Variants in SHROOM3 observed in about 807,000 individuals in gnomAD.
The protein encoded by SHROOM3 is protein Shroom3.
A neutral mutation model predicts 138.6 loss-of-function variants in SHROOM3; 47 were observed. That is an observed-to-expected ratio of 0.34 (90% CI 0.27 to 0.43). The LOEUF (loss-of-function observed/expected upper bound fraction) is 0.43, where lower values mean the gene tolerates loss of function less well. Ranked by LOEUF, SHROOM3 falls within the 20% of genes least tolerant of loss-of-function variation. The probability of loss-of-function intolerance (pLI) is 1.00; values close to 1 mark genes in which losing one functional copy is unlikely to be tolerated. For missense variants in SHROOM3, 2,491 were observed against 2,596.5 expected (o/e 0.96, Z 0.88); for synonymous variants, 1,062 against 1,063.3 (o/e 1.00, Z 0.02).
chr4:76,776,033 T>C (rs1722554405), intron 10 of SHROOM3, among the ~76,000 whole-genome samples: 1 of 152,148 alleles, frequency 6.6e-6, no homozygotes. Flanking sequence ...GTACTTTTCA[T>C]TCTTTAAGGA....
At position 76,768,798 on chromosome 4, in the gene SHROOM3, G is replaced by A. The variant is rs4597854; in HGVS notation, c.5350-1828G>A. 2.7e-3 allele frequency among the ~76,000 whole-genome samples: 413 copies of A among 152,286 alleles called. 1 individual carries two copies. Among genetic ancestry groups the A allele is most frequent in the African/African-American group, 9.4e-3 (392 of 41,554 alleles). On this transcript the variant is annotated intron_variant, in intron 9 of 10. Coordinates refer to ENST00000296043, the MANE Select transcript of SHROOM3 (RefSeq NM_020859.4). ...CAAAGTGCTGGGATTACAGGCATGA[G>A]CCACTGCGCCCAGCCTGGATGTGAA...
intron 9 of SHROOM3, among the ~76,000 whole-genome samples, chr4:76,765,453 G>A (rs1238070813): frequency 6.6e-6 from 1 of 152,152 alleles, no homozygotes. Flanking sequence ...GGGGGTTGAG[G>A]CTGTAGTGAG....
rs183082217 is a variant in SHROOM3 at position 76,635,271 on chromosome 4, A to C, written c.324-74885A>C. On this transcript the variant is annotated intron_variant, in intron 2 of 10. Coordinates refer to ENST00000296043, the MANE Select transcript of SHROOM3 (RefSeq NM_020859.4). ...TTACATAGTAGCTCCAGCTTCTGCT[A>C]ACTCAAGGGTCACTCACTGATCAAC... Among the ~76,000 whole-genome samples the C allele has an allele frequency of 4.3e-3, 656 of 152,284 alleles. 2 individuals carry two copies. The highest frequency in any genetic ancestry group is 4.6e-3 in the Non-Finnish European group (316 of 68,026).
At chr4:76,639,384 G>A (rs1577942448) in intron 2 of SHROOM3, 1 of 392,346 alleles carries the variant, frequency 2.5e-6, no homozygotes, top group Non-Finnish European at 4.5e-6. Flanking sequence ...CCACAGCAAG[G>A]TCTATTGCTG....
chr4:76,709,594 C>T, intron 2 of SHROOM3, among the ~76,000 whole-genome samples: 1 of 152,180 alleles, frequency 6.6e-6, no homozygotes. Flanking sequence ...AATGGACACA[C>T]AAAAGGCTTG....
At chr4:76,755,681 A>C (rs1721783831) in intron 7 of SHROOM3, among the ~76,000 whole-genome samples, 1 of 152,182 alleles carries the variant, frequency 6.6e-6, no homozygotes, top group African/African-American at 2.4e-5. Flanking sequence ...ATAGATATTA[A>C]TATATACAGC....
At chr4:76,700,776 C>A (rs344119) in intron 2 of SHROOM3, among the ~76,000 whole-genome samples, 92,781 of 150,564 alleles carry the variant, frequency 0.62, 29,245 homozygotes, top group Middle Eastern at 0.74. Context: ...TTCTTTCTTT[C>A]TTTTATTTAT....
intron 9 of SHROOM3, among the ~76,000 whole-genome samples, chr4:76,760,756 CT>C (rs1721963637): frequency 6.6e-6 from 1 of 152,296 alleles, no homozygotes; most frequent in South Asian, 2.1e-4. Context: ...TTGTATACCC[CT>C]GATATATATA....
At chr4:76,467,293 T>G (rs1020425943) in intron 1 of SHROOM3, among the ~76,000 whole-genome samples, 5 of 152,106 alleles carry the variant, frequency 3.3e-5, no homozygotes, top group African/African-American at 9.7e-5. Context: ...GCCATCTGCC[T>G]GCCTCTGCTT....
At chr4:76,441,996 A>G (rs1310002514) in intron 1 of SHROOM3, among the ~76,000 whole-genome samples, 1 of 152,246 alleles carries the variant, frequency 6.6e-6, no homozygotes, top group Admixed American at 6.5e-5. Context: ...TTCCGAGATT[A>G]CAGGCGTGAG....
intron 1 of SHROOM3, among the ~76,000 whole-genome samples, chr4:76,540,999 G>T (rs1392911344): frequency 6.6e-6 from 1 of 152,142 alleles, no homozygotes; most frequent in Non-Finnish European, 1.5e-5. Context: ...CTTGTAAAAT[G>T]CATGAAATAC....
intron 2 of SHROOM3, among the ~76,000 whole-genome samples, chr4:76,677,786 C>A (rs1432940791): frequency 6.6e-6 from 1 of 152,142 alleles, no homozygotes; most frequent in Non-Finnish European, 1.5e-5. Flanking sequence ...CGTTTCTAGG[C>A]AAGAGCGCTA....
chr4:76,682,432 C>T (rs1719225239), intron 2 of SHROOM3, among the ~76,000 whole-genome samples: 1 of 152,180 alleles, frequency 6.6e-6, no homozygotes, highest in South Asian at 2.1e-4. Flanking sequence ...ATTCAGTCCG[C>T]ACTTTTGACC....
intron 1 of SHROOM3, among the ~76,000 whole-genome samples, chr4:76,544,467 G>C (rs1733170212): frequency 6.9e-6 from 1 of 145,298 alleles, no homozygotes; most frequent in Admixed American, 7.1e-5. Context: ...CCCAGGCTGG[G>C]GTATAGTGGC....
intron 2 of SHROOM3, among the ~76,000 whole-genome samples, chr4:76,587,767 C>G (rs1734184021): frequency 6.6e-6 from 1 of 152,124 alleles, no homozygotes; most frequent in African/African-American, 2.4e-5. Context: ...AAGTCTACAG[C>G]AATCACTTAA....
chr4:76,702,640 G>A (rs892273908), intron 2 of SHROOM3, among the ~76,000 whole-genome samples: 4 of 152,160 alleles, frequency 2.6e-5, no homozygotes, highest in African/African-American at 9.7e-5. Context: ...TACACAGCCT[G>A]CTGCTTGTTG....
At chr4:76,454,661 T>G (rs1730990786) in intron 1 of SHROOM3, among the ~76,000 whole-genome samples, 1 of 152,216 alleles carries the variant, frequency 6.6e-6, no homozygotes, top group Non-Finnish European at 1.5e-5. Context: ...CCTTTAAGAT[T>G]CCACATGAAT....
intron 2 of SHROOM3, among the ~76,000 whole-genome samples, chr4:76,608,171 C>G (rs1466532986): frequency 6.6e-6 from 1 of 152,168 alleles, no homozygotes; most frequent in East Asian, 1.9e-4. Flanking sequence ...GAGGAAATGT[C>G]CAAGCATACA....
chr4:76,659,518 A>G (rs920859377), intron 2 of SHROOM3, among the ~76,000 whole-genome samples: 1 of 152,228 alleles, frequency 6.6e-6, no homozygotes, highest in Admixed American at 6.5e-5. Context: ...ATTCTTATGT[A>G]TATGTAACAA....
Sources: gnomAD v4.1 joint callset for allele counts (sites outside exome capture counted in the v4.1 genomes callset) on GRCh38, gnomAD v4.1.1 for gene constraint, MANE v1.5 for transcripts, NCBI Gene and HGNC (gene_info 2026-07-23, HGNC 2026-07-21) for gene names.